EFNA2: variants seen among roughly 807,000 people sequenced by gnomAD.
The protein encoded by EFNA2 is ephrin-A2.
A neutral mutation model predicts 19.7 loss-of-function variants in EFNA2; 18 were observed. The observed-to-expected ratio is 0.91, with a 90% CI of 0.63 to 1.35. The LOEUF (loss-of-function observed/expected upper bound fraction) is 1.35. Ranked by LOEUF, EFNA2 falls within the 40% of genes most tolerant of loss-of-function variation. EFNA2 has a pLI of 0.00. For missense variants in EFNA2, 303 were observed against 296.0 expected (o/e 1.02, Z -0.17); for synonymous variants, 187 against 137.8 (o/e 1.36, Z -2.50).
In EFNA2 at chr19:1,297,547, G is replaced by T. The variant is rs899106890; in HGVS notation, c.455-1004G>T. 6.6e-5 allele frequency among the ~76,000 whole-genome samples: 10 copies of T among 152,056 alleles called. No individual in the cohort carries two copies. The highest frequency in any genetic ancestry group is 1.3e-4 in the Non-Finnish European group (9 of 67,992). ...GGCCATGAGAGCCAGGCCATCAGGGGCCCAGGGCCCGGCAGAGACAGCAAG... is the reference window on the plus strand; with the variant it reads ...GGCCATGAGAGCCAGGCCATCAGGGTCCCAGGGCCCGGCAGAGACAGCAAG... On this transcript the variant is annotated intron_variant, in intron 2 of 3. Transcript: ENST00000215368. This position sits in a 1 kb window ranked among gnomAD's most constrained non-coding sequence, Gnocchi z 5.0.
Position 1,299,808 on chromosome 19 carries a change from T to A in EFNA2, c.521-16T>A. 1.3e-6 allele frequency: 2 copies of A among 1,592,364 alleles called. No homozygotes were observed. The highest frequency in any genetic ancestry group is 8.5e-7 in the Non-Finnish European group (1 of 1,173,406). On this transcript the variant is annotated splice_polypyrimidine_tract_variant and intron_variant, in intron 3 of 3. Coordinates refer to ENST00000215368, the MANE Select transcript of EFNA2 (RefSeq NM_001405.4). ...GTTCGGGCGGCCGCTGAGCGTGCTG[T>A]CTCTGCCACCCGCAGACGAGACCCT...
intron 1 of EFNA2, among the ~76,000 whole-genome samples, chr19:1,292,580 G>A (rs1280640320): frequency 6.6e-6 from 1 of 152,224 alleles, no homozygotes; most frequent in Admixed American, 6.5e-5. Flanking sequence ...AACAGCAGCT[G>A]CAGAGGCCCT....
At chr19:1,298,445 C>T (rs895153565) in intron 2 of EFNA2, 106 bp from the exon 3 acceptor site, 4 of 1,156,784 alleles carry the variant, frequency 3.5e-6, no homozygotes, top group South Asian at 1.3e-5. Flanking sequence ...TGGCTCTCCA[C>T]CTGGGGTCAG....
chr19:1,284,325 G>A (rs138382660), upstream of EFNA2, among the ~76,000 whole-genome samples: 11 of 152,354 alleles, frequency 7.2e-5, no homozygotes, highest in Non-Finnish European at 1.5e-4. The surrounding 1 kb of genome is among the most constrained non-coding windows in gnomAD (Gnocchi z 5.3). Flanking sequence ...CTCCACTGAA[G>A]AGACACCCGG....
chr19:1,288,535 G>A lies in EFNA2; in HGVS notation c.140+2227G>A, dbSNP rs548900170. ...CATACAGAAAGGCACTGGAGACGGG[G>A]ACAGCCGCGATGGGGGGCAGACAGC... On this transcript the variant is annotated intron_variant, in intron 1 of 3. Coordinates refer to ENST00000215368, the MANE Select transcript of EFNA2 (RefSeq NM_001405.4). 4.6e-5 allele frequency among the ~76,000 whole-genome samples: 7 copies of A among 152,198 alleles called. No homozygotes were observed. In the South Asian group the frequency reaches 1.5e-3, roughly 32 times the overall value.
At position 1,295,843 on chromosome 19, in the gene EFNA2, G is replaced by C. The variant is rs1221021634; in HGVS notation, c.439G>C (p.Glu147Gln). 1.2e-6 allele frequency: 2 copies of C among 1,604,220 alleles called. No individual in the cohort carries two copies. The highest frequency in any genetic ancestry group is 2.3e-5 in the East Asian group (1 of 44,346). The change falls in exon 2 of 4, where the codon GAG (glutamate) becomes CAG (glutamine). Residue 147 changes from glutamate (E) to glutamine (Q), a missense_variant. By Grantham distance (29) the Glu-to-Gln change is conservative. Coordinates refer to ENST00000215368, the MANE Select transcript of EFNA2 (RefSeq NM_001405.4). This position sits in a 1 kb window ranked among gnomAD's most constrained non-coding sequence, Gnocchi z 5.8. ...GGGCTTCGAGTTCCGGCCCGGCCAC[G>C]AGTATTACTACATCTGTGAGTGGGG... ...SLGFEFRPGH[E>Q]YYYISATPPN...
chr19:1,293,686 C>T (rs1217905078), intron 1 of EFNA2, among the ~76,000 whole-genome samples: 2 of 152,214 alleles, frequency 1.3e-5, no homozygotes, highest in South Asian at 2.1e-4. Flanking sequence ...TGAAGGAGGC[C>T]TGGGAAGCTC....
At chr19:1,292,699 G>A (rs1021163209) in intron 1 of EFNA2, among the ~76,000 whole-genome samples, 10 of 152,154 alleles carry the variant, frequency 6.6e-5, no homozygotes, top group Non-Finnish European at 1.2e-4. Context: ...CTGGAGGGGT[G>A]TGGATTTTAT....
rs563120246 is a variant in EFNA2, at chr19:1,291,097, C to T, written c.141-4448C>T. On this transcript the variant is annotated intron_variant, in intron 1 of 3. Coordinates refer to ENST00000215368, the MANE Select transcript of EFNA2 (RefSeq NM_001405.4). Reference sequence around the variant, plus strand: ...CACCCAAGGCCACCCGGAAGTTGGGCAGAGTCCAGGGTGTCCCACCTGGGG... The same window carrying T: ...CACCCAAGGCCACCCGGAAGTTGGGTAGAGTCCAGGGTGTCCCACCTGGGG... Among the ~76,000 whole-genome samples, 120 of 152,308 alleles carry T rather than the reference C, an allele frequency of 7.9e-4. 1 individual carries two copies. The highest frequency in any genetic ancestry group is 2.7e-3 in the African/African-American group (112 of 41,572).
At position 1,286,320 on chromosome 19, in the gene EFNA2, C is replaced by A; in HGVS notation, c.140+12C>A. The stretch of plus-strand genomic sequence containing the variant: ...CGCAGCAACCCCAGGTGAGCGCGGC[C>A]GCGCGCGGGGGGCGCCCGGGGACCC... On this transcript the variant is annotated intron_variant, in intron 1 of 3. Coordinates refer to ENST00000215368, the MANE Select transcript of EFNA2 (RefSeq NM_001405.4). This position sits in a 1 kb window ranked among gnomAD's most constrained non-coding sequence, Gnocchi z 5.6. The A allele has an allele frequency of 1.0e-6, 1 of 991,388 alleles. No homozygotes were observed. The allele number at this position is 991,388 out of a possible 1,614,324, so 61.4% of individuals were successfully genotyped here.
At position 1,297,088 on chromosome 19, in the gene EFNA2, C is replaced by T. The variant is rs1312095322; in HGVS notation, c.454+1230C>T. Among the ~76,000 whole-genome samples, 2 of 152,202 alleles carry T rather than the reference C, an allele frequency of 1.3e-5. No individual in the cohort carries two copies. Among genetic ancestry groups the T allele is most frequent in the Admixed American group, 6.5e-5 (1 of 15,288 alleles). On this transcript the variant is annotated intron_variant, in intron 2 of 3. Transcript: ENST00000215368. This position sits in a 1 kb window ranked among gnomAD's most constrained non-coding sequence, Gnocchi z 5.0. ...GGGGATGATGGCATCACACTCGTGGCTTCCGCCGTGGCGCTGAGACTGAGG... is the reference window on the plus strand; with the variant it reads ...GGGGATGATGGCATCACACTCGTGGTTTCCGCCGTGGCGCTGAGACTGAGG...
chr19:1,284,870 C>T (rs997891178), upstream of EFNA2, among the ~76,000 whole-genome samples: 1 of 152,242 alleles, frequency 6.6e-6, no homozygotes, highest in Non-Finnish European at 1.5e-5. The surrounding 1 kb of genome is among the most constrained non-coding windows in gnomAD (Gnocchi z 5.3). Context: ...GCATCGCCAG[C>T]AAAGTCCAGC....
chr19:1,292,826 C>G (rs767272838), intron 1 of EFNA2, among the ~76,000 whole-genome samples: 2 of 152,150 alleles, frequency 1.3e-5, no homozygotes, highest in East Asian at 1.9e-4. Flanking sequence ...AGACCCTCAC[C>G]GCAGCCTGGA....
intron 1 of EFNA2, among the ~76,000 whole-genome samples, chr19:1,289,807 CG>C (rs1316527208): frequency 1.3e-5 from 2 of 152,114 alleles, no homozygotes; most frequent in Admixed American, 1.3e-4. Flanking sequence ...CAGAGGTGAA[CG>C]GGGTGTCTCG....
upstream of EFNA2, among the ~76,000 whole-genome samples, chr19:1,284,458 C>T (rs887033282): frequency 3.3e-5 from 5 of 152,222 alleles, no homozygotes; most frequent in African/African-American, 9.7e-5. The surrounding 1 kb of genome is among the most constrained non-coding windows in gnomAD (Gnocchi z 5.3). Context: ...CTGGCAGGGA[C>T]GCTAGAGCAC....
chr19:1,289,162 G>A (rs2081480037), intron 1 of EFNA2, among the ~76,000 whole-genome samples: 1 of 152,254 alleles, frequency 6.6e-6, no homozygotes, highest in African/African-American at 2.4e-5. Context: ...GCACAGCTCT[G>A]GCGTGTTTGC....
chr19:1,295,888 G>T lies in EFNA2; in HGVS notation c.454+30G>T, dbSNP rs749678670. On this transcript the variant is annotated intron_variant, in intron 2 of 3. Coordinates refer to ENST00000215368, the MANE Select transcript of EFNA2 (RefSeq NM_001405.4). This position sits in a 1 kb window ranked among gnomAD's most constrained non-coding sequence, Gnocchi z 5.8. ...GTGGGGTCGGGCCGGGGCTGCCGGG[G>T]CCCGAGTGGGCGGGGACGCGGGGGC... 6.0e-6 allele frequency: 9 copies of T among 1,503,320 alleles called. No individual in the cohort carries two copies. The highest frequency in any genetic ancestry group is 7.1e-6 in the Non-Finnish European group (8 of 1,131,420). 93.1% of individuals were successfully genotyped at this position (1,503,320 alleles called of 1,614,324 possible).
intron 1 of EFNA2, among the ~76,000 whole-genome samples, chr19:1,288,407 G>A (rs545126683): frequency 2.8e-4 from 42 of 152,276 alleles, no homozygotes; most frequent in Admixed American, 2.6e-3. Context: ...GAGGAGTGGC[G>A]TCAGCCGGCA....
Position 1,300,166 on chromosome 19 carries a change from G to A in EFNA2, c.*221G>A. On this transcript the variant is annotated 3_prime_UTR_variant, in exon 4 of 4. Coordinates refer to ENST00000215368, the MANE Select transcript of EFNA2 (RefSeq NM_001405.4). ...GAGAGCCCCCCCCCGGAGGCCCGAG[G>A]GGCCGGGGTGTGGATGCGGACCGTG... 1 of 558,932 alleles carries A rather than the reference G, an allele frequency of 1.8e-6. No individual in the cohort carries two copies. The highest frequency in any genetic ancestry group is 2.0e-5 in the African/African-American group (1 of 49,798). The allele number at this position is 558,932 out of a possible 1,614,324, so 34.6% of individuals were successfully genotyped here.
Sources: gnomAD v4.1 joint callset for allele counts (sites outside exome capture counted in the v4.1 genomes callset) on GRCh38, gnomAD v4.1.1 for gene constraint, Gnocchi (gnomAD v3.1) non-coding constraint, MANE v1.5 for transcripts, NCBI Gene and HGNC (gene_info 2026-07-23, HGNC 2026-07-21) for gene names.